CDH8: variants seen among roughly 807,000 people sequenced by gnomAD.
The protein encoded by CDH8 is cadherin-8.
A neutral mutation model predicts 68.1 loss-of-function variants in CDH8; 17 were observed. The observed-to-expected ratio is 0.25, with a 90% CI of 0.17 to 0.37. The LOEUF is 0.37. CDH8 is among the 10% of genes least tolerant of loss of function. The pLI is 1.00. For synonymous variants in CDH8, 372 were observed against 365.1 expected (o/e 1.02, Z -0.21); for missense variants, 763 against 999.3 (o/e 0.76, Z 3.19).
chr16:61,656,199 G>C (rs12446872), intron 10 of CDH8, among the ~76,000 whole-genome samples: 7,414 of 152,146 alleles, frequency 0.049, 467 homozygotes, highest in East Asian at 0.26. Context: ...CATGGACCAG[G>C]ACAACCATAA....
chr16:61,937,692 T>C (rs374404294), intron 2 of CDH8, among the ~76,000 whole-genome samples: 75 of 152,306 alleles, frequency 4.9e-4, no homozygotes, highest in Non-Finnish European at 8.1e-4. Flanking sequence ...ATCACATATC[T>C]ATAAAGGATC....
chr16:61,753,528 C>A (rs941055160), intron 8 of CDH8, among the ~76,000 whole-genome samples: 20 of 152,108 alleles, frequency 1.3e-4, no homozygotes, highest in African/African-American at 4.6e-4. Context: ...GCATGAGCCA[C>A]CACACACAGC....
rs538147022 is a variant in CDH8 at position 61,705,000 on chromosome 16, A to G, written c.1654+8841T>C. The stretch of plus-strand genomic sequence containing the variant: ...TTCTTTTCAGACCACCCTAAGATAA[A>G]CAGCCTCAAAAGGCTGAGGATAATA... On this transcript the variant is annotated intron_variant, in intron 10 of 11. Transcript: ENST00000577390. Among the ~76,000 whole-genome samples, 56 of 152,246 alleles carry G rather than the reference A, an allele frequency of 3.7e-4. No individual in the cohort carries two copies. The South Asian group carries it at 0.011, about 31-fold the overall frequency.
intron 3 of CDH8, among the ~76,000 whole-genome samples, chr16:61,865,972 C>G (rs928795188): frequency 6.6e-6 from 1 of 152,138 alleles, no homozygotes; most frequent in Admixed American, 6.6e-5. Context: ...AATCCCAGCA[C>G]TTTTGGAGGG....
chr16:61,833,610 C>T (rs1181764777), intron 4 of CDH8, among the ~76,000 whole-genome samples: 1 of 151,910 alleles, frequency 6.6e-6, no homozygotes, highest in East Asian at 1.9e-4. Flanking sequence ...TTATTCAAAT[C>T]TTTACATGAC....
chr16:61,933,014 G>A (rs1964570205), intron 2 of CDH8, among the ~76,000 whole-genome samples: 1 of 152,100 alleles, frequency 6.6e-6, no homozygotes, highest in African/African-American at 2.4e-5. Flanking sequence ...TATAAATGAG[G>A]GATAACCGCC....
At chr16:61,842,205 C>G (rs375997934) in intron 4 of CDH8, among the ~76,000 whole-genome samples, 12 of 151,988 alleles carry the variant, frequency 7.9e-5, no homozygotes, top group African/African-American at 2.9e-4. Flanking sequence ...CCGCACCCAG[C>G]CAGAAATTTG....
At position 62,034,037 on chromosome 16, in the gene CDH8, G is replaced by A. The variant is rs778417429; in HGVS notation, c.-200+2043C>T. Among the ~76,000 whole-genome samples the A allele has an allele frequency of 2.2e-4, 33 of 152,228 alleles. No homozygotes were observed. In the East Asian group the frequency reaches 6.0e-3, roughly 28 times the overall value. On this transcript the variant is annotated intron_variant, in intron 1 of 11. Transcript: ENST00000577390. Reference sequence around the variant, plus strand: ...ATTTATTCCAGCCACAGAGCTCGGGGAAGTGGAAAAACATGTCTGGACATG... The same window carrying A: ...ATTTATTCCAGCCACAGAGCTCGGGAAAGTGGAAAAACATGTCTGGACATG...
chr16:61,915,997 C>A (rs748232924), intron 2 of CDH8, among the ~76,000 whole-genome samples: 1 of 152,142 alleles, frequency 6.6e-6, no homozygotes, highest in Non-Finnish European at 1.5e-5. Context: ...ATTAATACCA[C>A]CCGTTAACAA....
intron 8 of CDH8, among the ~76,000 whole-genome samples, chr16:61,787,950 C>CG (rs1961271856): frequency 2.2e-5 from 1 of 45,510 alleles, no homozygotes; most frequent in East Asian, 4.8e-4. Flanking sequence ...GTGGGGGGGG[C>CG]GGGGGGAGGG....
intron 8 of CDH8, among the ~76,000 whole-genome samples, chr16:61,756,274 C>A (rs1357002536): frequency 6.6e-6 from 1 of 152,084 alleles, no homozygotes; most frequent in Non-Finnish European, 1.5e-5. Context: ...CAATAACCAG[C>A]AATATTTTCT....
intron 3 of CDH8, among the ~76,000 whole-genome samples, chr16:61,860,442 T>C (rs1007409174): frequency 6.6e-6 from 1 of 152,130 alleles, no homozygotes; most frequent in Non-Finnish European, 1.5e-5. Flanking sequence ...AGAAAAAGAA[T>C]GAATAATAAG....
Position 61,652,318 on chromosome 16 carries a change from G to A in CDH8, c.*1290C>T. 1 of 984,846 alleles carries A rather than the reference G, an allele frequency of 1.0e-6. No homozygotes were observed. The highest frequency in any genetic ancestry group is 1.2e-6 in the Non-Finnish European group (1 of 829,474). The allele number at this position is 984,846 out of a possible 1,614,324, so 61.0% of individuals were successfully genotyped here. A position where few individuals can be genotyped will look rare whatever the true frequency, so the allele number is the denominator to read the frequency against. On this transcript the variant is annotated 3_prime_UTR_variant, in exon 12 of 12. Coordinates refer to ENST00000577390, the MANE Select transcript of CDH8 (RefSeq NM_001796.5). ...TGAAATTATGTACAAATCAGTTCCT[G>A]CTCTAAAACTGTGGGGGTAAATTGA...
At chr16:61,722,895 C>T (rs1274673900) in intron 9 of CDH8, among the ~76,000 whole-genome samples, 1 of 150,516 alleles carries the variant, frequency 6.6e-6, no homozygotes. Flanking sequence ...TCTTTTTTAA[C>T]TCAGATATAA....
intron 9 of CDH8, among the ~76,000 whole-genome samples, chr16:61,723,167 T>C (rs2142885513): frequency 6.6e-6 from 1 of 150,824 alleles, no homozygotes; most frequent in South Asian, 2.1e-4. Context: ...GAGGTTAATA[T>C]CTGAAATAAA....
chr16:61,974,925 A>G (rs563149167), intron 2 of CDH8, among the ~76,000 whole-genome samples: 13 of 152,144 alleles, frequency 8.5e-5, no homozygotes, highest in Non-Finnish European at 1.5e-4. Context: ...TGGGGAGAAA[A>G]GCAAGGTTTT....
intron 10 of CDH8, among the ~76,000 whole-genome samples, chr16:61,681,843 T>C (rs1030118254): frequency 6.6e-6 from 1 of 151,866 alleles, no homozygotes; most frequent in Non-Finnish European, 1.5e-5. Flanking sequence ...AACGTTCCTT[T>C]GAGCAATACT....
intron 4 of CDH8, among the ~76,000 whole-genome samples, chr16:61,846,691 A>T (rs1279227925): frequency 6.6e-6 from 1 of 152,254 alleles, no homozygotes; most frequent in African/African-American, 2.4e-5. Context: ...AAAAGTAAGG[A>T]CCATAATACC....
intron 1 of CDH8, among the ~76,000 whole-genome samples, chr16:62,025,355 T>A (rs1266146750): frequency 6.9e-6 from 1 of 143,998 alleles, no homozygotes; most frequent in Non-Finnish European, 1.5e-5. Context: ...TATATAGCCC[T>A]TTCCTCTGCC....
Sources: gnomAD v4.1 joint callset for allele counts (sites outside exome capture counted in the v4.1 genomes callset) on GRCh38, gnomAD v4.1.1 for gene constraint, MANE v1.5 for transcripts, NCBI Gene and HGNC (gene_info 2026-07-23, HGNC 2026-07-21) for gene names.